The following ERBB4 variants were observed in gnomAD, a reference collection of about 807,000 sequenced individuals.
ERBB4 encodes receptor tyrosine-protein kinase erbB-4.
Under a neutral mutation model 158.0 loss-of-function variants are expected in ERBB4, and 42 were observed. The observed-to-expected ratio is 0.27, with a 90% CI of 0.21 to 0.34. The LOEUF is 0.34. Ranked by LOEUF, ERBB4 falls within the 10% of genes least tolerant of loss-of-function variation. ERBB4 has a pLI of 1.00. For missense variants in ERBB4, 1,333 were observed against 1,624.1 expected, an observed-to-expected ratio of 0.82 and a Z score of 3.08; for synonymous variants, 583 against 558.7, an observed-to-expected ratio of 1.04 and a Z score of -0.61.
intron 1 of ERBB4, among the ~76,000 whole-genome samples, chr2:212,513,962 C>T (rs1001234758): frequency 1.3e-5 from 2 of 151,848 alleles, no homozygotes; most frequent in Admixed American, 6.6e-5. Context: ...GACCACTTTC[C>T]ACATGCTACT....
intron 2 of ERBB4, among the ~76,000 whole-genome samples, chr2:211,961,126 A>G (rs1054216668): frequency 4.6e-5 from 7 of 152,154 alleles, no homozygotes; most frequent in Non-Finnish European, 1.0e-4. Flanking sequence ...TAATGGTTCT[A>G]GATATTCAGC....
intron 5 of ERBB4, among the ~76,000 whole-genome samples, chr2:211,734,512 T>A (rs2074536662): frequency 6.6e-6 from 1 of 151,740 alleles, no homozygotes; most frequent in Non-Finnish European, 1.5e-5. Flanking sequence ...TAGAAAAATG[T>A]TCATTAGTTG....
At chr2:212,083,571 C>T (rs965814496) in intron 2 of ERBB4, among the ~76,000 whole-genome samples, 4 of 151,666 alleles carry the variant, frequency 2.6e-5, no homozygotes, top group Non-Finnish European at 4.4e-5. Context: ...TAAGACTACA[C>T]GAGAGACTGC....
At chr2:212,234,379 AC>A (rs2105992238) in intron 1 of ERBB4, among the ~76,000 whole-genome samples, 1 of 152,170 alleles carries the variant, frequency 6.6e-6, no homozygotes, top group African/African-American at 2.4e-5. Flanking sequence ...ATCCAGTCTA[AC>A]ATTGATGGGC....
chr2:211,793,191 T>A (rs1383701851), intron 3 of ERBB4, among the ~76,000 whole-genome samples: 1 of 151,864 alleles, frequency 6.6e-6, no homozygotes, highest in Admixed American at 6.6e-5. Flanking sequence ...TTAAATGCAG[T>A]TACACTATAT....
At chr2:211,807,947 T>C (rs1284885821) in intron 3 of ERBB4, among the ~76,000 whole-genome samples, 1 of 152,254 alleles carries the variant, frequency 6.6e-6, no homozygotes, top group Non-Finnish European at 1.5e-5. Context: ...TCTGTTCATA[T>C]CCTTTGCCCA....
rs1553630145 is a variant in ERBB4, at chr2:211,772,955, A to ATATATATTTT, written c.556+15069_556+15070insAAAATATATA. Among the ~76,000 whole-genome samples, 92 of 83,296 alleles carry ATATATATTTT rather than the reference A, an allele frequency of 1.1e-3. 2 individuals carry two copies. The highest frequency in any genetic ancestry group is 6.6e-3 in the Middle Eastern group (1 of 152). The allele number at this position is 83,296 out of a possible 152,430, so 54.6% of individuals were successfully genotyped here. On this transcript the variant is annotated intron_variant, in intron 4 of 27. Transcript: ENST00000342788. ...TATATATATATATATATATATATAT[A>ATATATATTTT]TTTTTTTTTTTAAAGATGGGGTCCT...
intron 20 of ERBB4, among the ~76,000 whole-genome samples, chr2:211,467,331 G>GTATC (rs1559197597): frequency 6.6e-6 from 1 of 152,172 alleles, no homozygotes; most frequent in East Asian, 1.9e-4. Flanking sequence ...AGGAGCACTG[G>GTATC]TATCTGGTCT....
chr2:212,074,470 T>C (rs771779963), intron 2 of ERBB4, among the ~76,000 whole-genome samples: 6 of 151,916 alleles, frequency 3.9e-5, no homozygotes, highest in Non-Finnish European at 8.8e-5. Flanking sequence ...TAATAGAAGA[T>C]CATAATGCCC....
chr2:212,354,733 T>C lies in ERBB4; in HGVS notation c.82+183716A>G, dbSNP rs1336484898. ...CCAACAGACCCTTTCATGGTAGCTT[T>C]CATTTACAGAAAGAGAAGCAAAAAA... is the stretch of plus-strand genomic sequence containing the variant. On this transcript the variant is annotated intron_variant, in intron 1 of 27. Coordinates refer to ENST00000342788, the MANE Select transcript of ERBB4 (RefSeq NM_005235.3). Among the ~76,000 whole-genome samples the C allele has an allele frequency of 2.0e-5, 3 of 152,088 alleles. 1 individual carries two copies. Among genetic ancestry groups the C allele is most frequent in the African/African-American group, 7.2e-5 (3 of 41,442 alleles).
At chr2:211,710,894 A>G (rs2073672325) in intron 9 of ERBB4, among the ~76,000 whole-genome samples, 1 of 151,784 alleles carries the variant, frequency 6.6e-6, no homozygotes, top group South Asian at 2.1e-4. Flanking sequence ...TTTCTTTGTA[A>G]ATTACCCAGT....
chr2:211,420,400 TC>T (rs1559149509), intron 25 of ERBB4, 40 bp downstream of exon 25: 1 of 1,371,150 alleles, frequency 7.3e-7, no homozygotes, highest in East Asian at 2.4e-5. Flanking sequence ...TGATTTTATA[TC>T]TCAGAAAGAA....
chr2:211,539,999 G>A (rs1331894390), intron 20 of ERBB4, among the ~76,000 whole-genome samples: 1 of 151,564 alleles, frequency 6.6e-6, no homozygotes, highest in Non-Finnish European at 1.5e-5. Flanking sequence ...ATGCTTTCTT[G>A]TGAACATCCT....
rs72937745 is a variant in ERBB4, at chr2:212,032,714, G to A, written c.235-85098C>T. 5.7e-3 allele frequency among the ~76,000 whole-genome samples: 867 copies of A among 152,010 alleles called. 14 individuals are homozygous for A. The highest frequency in any genetic ancestry group is 7.6e-3 in the Non-Finnish European group (515 of 67,898). ...GTAGCATACAATTTGGTGGGGGAGGGTGGTATTGGCACTGACCCTATTTCT... is the reference window on the plus strand; with the variant it reads ...GTAGCATACAATTTGGTGGGGGAGGATGGTATTGGCACTGACCCTATTTCT... On this transcript the variant is annotated intron_variant, in intron 2 of 27. Transcript: ENST00000342788.
At chr2:212,052,945 C>G (rs1193228111) in intron 2 of ERBB4, among the ~76,000 whole-genome samples, 1 of 152,222 alleles carries the variant, frequency 6.6e-6, no homozygotes, top group Admixed American at 6.5e-5. Context: ...TACTTGTTGT[C>G]TCAGTGATTG....
intron 2 of ERBB4, among the ~76,000 whole-genome samples, chr2:211,990,887 A>G (rs1289558558): frequency 6.6e-6 from 1 of 152,060 alleles, no homozygotes; most frequent in African/African-American, 2.4e-5. Flanking sequence ...ACATTTTCAT[A>G]ACATTATACT....
rs756472576 is a variant in ERBB4 at position 211,722,552 on chromosome 2, T to C, written c.742-18A>G. The C allele has an allele frequency of 3.7e-6, 6 of 1,612,940 alleles. No homozygotes were observed. In the Admixed American group the frequency reaches 1.0e-4, roughly 27 times the overall value. On this transcript the variant is annotated intron_variant, in intron 6 of 27. Coordinates refer to ENST00000342788, the MANE Select transcript of ERBB4 (RefSeq NM_005235.3). ...ATGCAGGCCTGCAACACAGCAAATA[T>C]TACTTTCATTTACAAATAAACTCAT...
chr2:211,931,499 C>T (rs1405530325), intron 3 of ERBB4, among the ~76,000 whole-genome samples: 2 of 151,914 alleles, frequency 1.3e-5, no homozygotes, highest in South Asian at 2.1e-4. Flanking sequence ...GGGGTAATGT[C>T]ATGTCCTCAC....
intron 25 of ERBB4, among the ~76,000 whole-genome samples, chr2:211,416,870 G>C (rs1351135079): frequency 6.8e-6 from 1 of 146,510 alleles, no homozygotes; most frequent in Non-Finnish European, 1.5e-5. Flanking sequence ...GGGCCTTTAA[G>C]TCTCTGCCAA....
Sources: allele counts gnomAD v4.1 joint callset (sites outside exome capture counted in the v4.1 genomes callset), GRCh38; gene constraint gnomAD v4.1.1; transcripts MANE v1.5; gene names NCBI Gene and HGNC (gene_info 2026-07-23, HGNC 2026-07-21).